The following MALRD1 variants were observed in gnomAD, a reference collection of about 807,000 sequenced individuals.
MALRD1 encodes the protein MAM and LDL receptor class A domain containing 1.
MALRD1 carries 247 observed loss-of-function variants against 242.1 expected under a neutral mutation model. The observed-to-expected ratio is 1.02, with a 90% confidence interval of 0.92 to 1.13. MALRD1 has a LOEUF of 1.13. MALRD1 is among the 50% of genes most tolerant of loss of function. MALRD1 has a pLI of 0.00. For missense variants in MALRD1, 2,989 were observed against 2,533.1 expected (o/e 1.18, Z -3.86); for synonymous variants, 995 against 866.6 (o/e 1.15, Z -2.60).
intron 38 of MALRD1, among the ~76,000 whole-genome samples, chr10:19,703,396 C>A (rs1265281931): frequency 6.6e-6 from 1 of 152,196 alleles, no homozygotes; most frequent in Non-Finnish European, 1.5e-5. Flanking sequence ...TACCAAGGCA[C>A]TCTCGTGGCA....
chr10:19,080,102 C>T (rs1835437756), intron 2 of MALRD1, among the ~76,000 whole-genome samples: 1 of 151,934 alleles, frequency 6.6e-6, no homozygotes. Flanking sequence ...CAAACTACTG[C>T]TGAAAGAAAT....
At chr10:19,618,962 T>A (rs1254685435) in intron 36 of MALRD1, among the ~76,000 whole-genome samples, 2 of 152,036 alleles carry the variant, frequency 1.3e-5, no homozygotes, top group Non-Finnish European at 2.9e-5. Context: ...TAATCTTGCC[T>A]AGCCTTGGAC....
chr10:19,469,501 C>G (rs111831179), intron 29 of MALRD1, among the ~76,000 whole-genome samples: 211 of 152,256 alleles, frequency 1.4e-3, no homozygotes, highest in African/African-American at 4.5e-3. Flanking sequence ...AGATTCTTCA[C>G]TAAGCACAGA....
intron 33 of MALRD1, among the ~76,000 whole-genome samples, chr10:19,580,988 A>T (rs1039464667): frequency 4.6e-5 from 7 of 152,154 alleles, no homozygotes; most frequent in African/African-American, 1.7e-4. Context: ...GCTGTTAAAT[A>T]TATGGAAATG....
chr10:19,129,144 A>G (rs1323335034), intron 8 of MALRD1, among the ~76,000 whole-genome samples: 1 of 152,044 alleles, frequency 6.6e-6, no homozygotes, highest in East Asian at 1.9e-4. Flanking sequence ...GATAGTACAG[A>G]TTCCACAGGT....
chr10:19,552,225 A>AT (rs1293597245), intron 32 of MALRD1, among the ~76,000 whole-genome samples: 2 of 151,840 alleles, frequency 1.3e-5, no homozygotes, highest in African/African-American at 2.4e-5. Flanking sequence ...TGGTCCTAGG[A>AT]TTTTTTGGTT....
At chr10:19,434,995 A>G (rs1264203193) in intron 28 of MALRD1, among the ~76,000 whole-genome samples, 1 of 151,694 alleles carries the variant, frequency 6.6e-6, no homozygotes, top group Non-Finnish European at 1.5e-5. Flanking sequence ...ATTGAAAGCT[A>G]TGCTCTATTA....
In MALRD1 at chr10:19,397,916, AT is replaced by A. The variant is rs58737628; in HGVS notation, c.4845+8318del. Reference sequence around the variant, plus strand: ...TCCCTGATGATTAGTGATGCCGAGCATTTTTTTTTTTCATATATCTCTTGGC... The same window carrying A: ...TCCCTGATGATTAGTGATGCCGAGCATTTTTTTTTTCATATATCTCTTGGC... On this transcript the variant is annotated intron_variant, in intron 28 of 39. Transcript: ENST00000454679. 3.3e-3 allele frequency among the ~76,000 whole-genome samples: 485 copies of A among 145,744 alleles called. 4 individuals are homozygous for A. Among genetic ancestry groups the A allele is most frequent in the Middle Eastern group, 3.6e-3 (1 of 276 alleles).
Position 19,108,387 on chromosome 10 carries a change from C to CTTTTTTTTTTTTTTTTTTTTTTT in MALRD1, c.694+4328_694+4350dup, listed in dbSNP as rs35948766. Among the ~76,000 whole-genome samples the CTTTTTTTTTTTTTTTTTTTTTTT allele has an allele frequency of 1.0e-4, 2 of 19,764 alleles. 1 individual carries two copies. Among genetic ancestry groups the CTTTTTTTTTTTTTTTTTTTTTTT allele is most frequent in the Non-Finnish European group, 1.6e-4 (2 of 12,506 alleles). 13.0% of individuals were successfully genotyped at this position (19,764 alleles called of 152,430 possible). A position where few individuals can be genotyped will look rare whatever the true frequency, so the allele number is the denominator to read the frequency against. On this transcript the variant is annotated intron_variant, in intron 5 of 39. Transcript: ENST00000454679. ...TTATTGAGCTCATGAATTGTTTTTTCTTTTTTTTTTTTTTTTTTTTTTTTT... is the reference window on the plus strand; with the variant it reads ...TTATTGAGCTCATGAATTGTTTTTTCTTTTTTTTTTTTTTTTTTTTTTTTTTTTTTTTTTTTTTTTTTTTTTTT...
intron 31 of MALRD1, among the ~76,000 whole-genome samples, chr10:19,516,282 A>G (rs1833623054): frequency 1.3e-5 from 2 of 152,178 alleles, no homozygotes; most frequent in Admixed American, 1.3e-4. Context: ...AATTTATGCA[A>G]GTGCTCATTT....
chr10:19,662,489 T>G (rs1841486188), intron 36 of MALRD1, among the ~76,000 whole-genome samples: 1 of 152,188 alleles, frequency 6.6e-6, no homozygotes, highest in Admixed American at 6.6e-5. Context: ...ATACCGTCAT[T>G]CTTTTTGAGG....
chr10:19,141,043 G>A (rs138258040), intron 10 of MALRD1, among the ~76,000 whole-genome samples: 246 of 152,174 alleles, frequency 1.6e-3, no homozygotes, highest in Middle Eastern at 0.01. Flanking sequence ...ATTACATTGC[G>A]TACCTTAGTT....
intron 18 of MALRD1, among the ~76,000 whole-genome samples, chr10:19,215,647 G>A (rs78007980): frequency 7.9e-5 from 12 of 152,154 alleles, no homozygotes; most frequent in African/African-American, 2.9e-4. Flanking sequence ...TGCTCTGCTA[G>A]GGGCTCTTTT....
intron 31 of MALRD1, among the ~76,000 whole-genome samples, chr10:19,525,265 A>C (rs1458514408): frequency 6.6e-6 from 1 of 151,890 alleles, no homozygotes; most frequent in East Asian, 1.9e-4. Context: ...AAAATGTAAA[A>C]TTGATTACCT....
intron 26 of MALRD1, among the ~76,000 whole-genome samples, chr10:19,358,800 C>T (rs912471308): frequency 1.3e-5 from 2 of 152,110 alleles, no homozygotes; most frequent in African/African-American, 2.4e-5. Context: ...TTAAACTGTA[C>T]ACATGGTGAC....
intron 8 of MALRD1, among the ~76,000 whole-genome samples, chr10:19,132,959 G>A (rs1018585320): frequency 1.8e-4 from 27 of 151,826 alleles, no homozygotes; most frequent in African/African-American, 5.3e-4. Context: ...TTTTTGAGAC[G>A]AATTCATGCT....
intron 33 of MALRD1, among the ~76,000 whole-genome samples, chr10:19,572,548 G>A (rs1309509180): frequency 1.3e-5 from 2 of 152,108 alleles, no homozygotes; most frequent in Non-Finnish European, 2.9e-5. Context: ...GCTAGGAAGT[G>A]GATTATTTCC....
intron 28 of MALRD1, among the ~76,000 whole-genome samples, chr10:19,445,359 G>A (rs533371144): frequency 6.6e-6 from 1 of 152,246 alleles, no homozygotes; most frequent in South Asian, 2.1e-4. Context: ...TGCTGACTAG[G>A]AGCTGCGTTC....
intron 38 of MALRD1, among the ~76,000 whole-genome samples, chr10:19,695,506 C>T (rs1381970447): frequency 2.2e-5 from 3 of 138,102 alleles, no homozygotes; most frequent in Non-Finnish European, 4.5e-5. Flanking sequence ...GAAGCAAAGG[C>T]ATGTTTTTCT....
Sources: gnomAD v4.1 joint callset for allele counts (sites outside exome capture counted in the v4.1 genomes callset) on GRCh38, gnomAD v4.1.1 for gene constraint, MANE v1.5 for transcripts, NCBI Gene and HGNC (gene_info 2026-07-23, HGNC 2026-07-21) for gene names.